The following BMPR2 variants were observed in gnomAD, a reference collection of about 807,000 sequenced individuals.
The protein encoded by BMPR2 is bone morphogenetic protein receptor type 2, also known as bone morphogenetic protein receptor type-2.
Under a neutral mutation model 100.8 loss-of-function variants are expected in BMPR2, and 29 were observed. The ratio of observed to expected loss-of-function variants is 0.29; its 90% CI spans 0.21 to 0.39. BMPR2 has a LOEUF of 0.39. Ranked by LOEUF, BMPR2 falls within the 10% of genes least tolerant of loss-of-function variation. The pLI, the probability that BMPR2 is intolerant of heterozygous loss-of-function variation, is 1.00. For missense variants in BMPR2, 1,011 were observed against 1,274.5 expected (o/e 0.79, Z 3.15); for synonymous variants, 382 against 442.3 (o/e 0.86, Z 1.71).
intron 1 of BMPR2, among the ~76,000 whole-genome samples, chr2:202,433,898 C>T (rs1349541809): frequency 1.3e-5 from 2 of 150,194 alleles, no homozygotes; most frequent in Admixed American, 6.6e-5. Flanking sequence ...CAGAGCGAGA[C>T]TCTGTCTCAA....
rs188346836 is a variant in BMPR2 at position 202,504,228 on chromosome 2, A to G, written c.419-9491A>G. ...GTAACCCGCTTGGGTCCCCTTCCACACTGTGGAAGCTTTGTTCTTTAGCTC... is the reference window on the plus strand; with the variant it reads ...GTAACCCGCTTGGGTCCCCTTCCACGCTGTGGAAGCTTTGTTCTTTAGCTC... On this transcript the variant is annotated intron_variant, in intron 3 of 12. Transcript: ENST00000374580. Among the ~76,000 whole-genome samples, 48 of 152,188 alleles carry G rather than the reference A, an allele frequency of 3.2e-4. No individual in the cohort carries two copies. The East Asian group carries it at 5.4e-3, about 17-fold the overall frequency.
chr2:202,381,817 T>A (rs1690300268), intron 1 of BMPR2, among the ~76,000 whole-genome samples: 1 of 152,070 alleles, frequency 6.6e-6, no homozygotes, highest in Non-Finnish European at 1.5e-5. Context: ...TTGATGTGGA[T>A]GAGTAGTGAG....
intron 3 of BMPR2, among the ~76,000 whole-genome samples, chr2:202,491,217 C>T (rs1270780180): frequency 3.3e-5 from 5 of 152,056 alleles, no homozygotes; most frequent in African/African-American, 2.4e-5. Flanking sequence ...CCACTACACC[C>T]GGCTAATCTT....
chr2:202,534,199 T>C (rs1019375410), intron 9 of BMPR2, among the ~76,000 whole-genome samples: 10 of 143,838 alleles, frequency 7.0e-5, no homozygotes, highest in Middle Eastern at 3.6e-3. Context: ...CACACACACA[T>C]ATATATGTAT....
chr2:202,399,126 C>T (rs1385486313), intron 1 of BMPR2, among the ~76,000 whole-genome samples: 2 of 148,866 alleles, frequency 1.3e-5, no homozygotes, highest in African/African-American at 5.0e-5. Context: ...GAAACTGTCT[C>T]AAGAGAAAAA....
chr2:202,457,557 T>TAGAGAG (rs1258876623), intron 1 of BMPR2, among the ~76,000 whole-genome samples: 1 of 100,800 alleles, frequency 9.9e-6, no homozygotes, highest in East Asian at 2.4e-4. Context: ...TATATATATA[T>TAGAGAG]ATATAGAGAG....
At chr2:202,534,221 G>GTATA (rs952251980) in intron 9 of BMPR2, among the ~76,000 whole-genome samples, 55 of 140,738 alleles carry the variant, frequency 3.9e-4, no homozygotes, top group Non-Finnish European at 1.8e-4. Context: ...GTGTGTGTGT[G>GTATA]TATATATATA....
intron 3 of BMPR2, among the ~76,000 whole-genome samples, chr2:202,506,610 CT>C (rs1204003241): frequency 6.6e-6 from 1 of 152,092 alleles, no homozygotes; most frequent in African/African-American, 2.4e-5. Flanking sequence ...GGCACATATT[CT>C]GTCCATAGGC....
chr2:202,383,239 C>T (rs974122175), intron 1 of BMPR2, among the ~76,000 whole-genome samples: 3 of 152,054 alleles, frequency 2.0e-5, no homozygotes, highest in Admixed American at 1.3e-4. Context: ...GAGACCAGCC[C>T]TGCTGTACAA....
At chr2:202,463,478 T>C (rs1365765807) in intron 1 of BMPR2, among the ~76,000 whole-genome samples, 1 of 152,182 alleles carries the variant, frequency 6.6e-6, no homozygotes, top group Admixed American at 6.5e-5. Context: ...TAAATCAGCC[T>C]CAGTGCTATG....
intron 3 of BMPR2, chr2:202,469,464 AATTTTATTTTT>A (rs1323285353): frequency 3.4e-6 from 1 of 297,394 alleles, no homozygotes; most frequent in African/African-American, 2.2e-5. Flanking sequence ...AAATGAACCC[AATTTTATTTTT>A]ATTTTATTTA....
chr2:202,400,261 CCTCCTGA>C (rs1279078404), intron 1 of BMPR2, among the ~76,000 whole-genome samples: 1 of 152,082 alleles, frequency 6.6e-6, no homozygotes, highest in Non-Finnish European at 1.5e-5. Context: ...CCTACTTCAG[CCTCCTGA>C]GTAGCTAGGA....
intron 1 of BMPR2, among the ~76,000 whole-genome samples, chr2:202,388,921 G>T (rs1690490528): frequency 2.0e-5 from 3 of 151,860 alleles, no homozygotes; most frequent in Non-Finnish European, 4.4e-5. Context: ...TTCTTTAATA[G>T]ATTAAATTCT....
At position 202,561,656 on chromosome 2, in the gene BMPR2, T is replaced by C. The variant is rs1688680464; in HGVS notation, c.*1710T>C. On this transcript the variant is annotated 3_prime_UTR_variant, in exon 13 of 13. Transcript: ENST00000374580. ...AGAGGAAAACACAAATCACCAAATT[T>C]CTGATTTATGTTTTTATCTCCTGAA... 6.6e-6 allele frequency: 1 copy of C among 152,230 alleles called. No individual in the cohort carries two copies. The allele number at this position is 152,230 out of a possible 1,614,324, so 9.4% of individuals were successfully genotyped here. A position where few individuals can be genotyped will look rare whatever the true frequency, so the allele number is the denominator to read the frequency against.
chr2:202,433,290 T>A (rs997128276), intron 1 of BMPR2, among the ~76,000 whole-genome samples: 1 of 150,432 alleles, frequency 6.6e-6, no homozygotes, highest in African/African-American at 2.5e-5. Flanking sequence ...GATATATGTA[T>A]AGATAGATAC....
At chr2:202,435,114 C>T (rs1305666566) in intron 1 of BMPR2, among the ~76,000 whole-genome samples, 1 of 144,758 alleles carries the variant, frequency 6.9e-6, no homozygotes, top group African/African-American at 2.7e-5. Context: ...AATCACAGCA[C>T]TTTGGGAGGC....
At chr2:202,463,317 T>TA (rs2105958354) in intron 1 of BMPR2, among the ~76,000 whole-genome samples, 1 of 152,290 alleles carries the variant, frequency 6.6e-6, no homozygotes, top group South Asian at 2.1e-4. Context: ...TAAAGTTCTT[T>TA]TCAGTGTTCT....
intron 1 of BMPR2, among the ~76,000 whole-genome samples, chr2:202,430,500 G>A (rs952237333): frequency 1.3e-5 from 2 of 152,142 alleles, no homozygotes; most frequent in African/African-American, 4.8e-5. Context: ...TATAGGATGG[G>A]ATTAATGATG....
intron 3 of BMPR2, among the ~76,000 whole-genome samples, chr2:202,510,907 C>T (rs536683970): frequency 1.3e-5 from 2 of 151,568 alleles, no homozygotes; most frequent in South Asian, 4.2e-4. Flanking sequence ...TCTCAAACCC[C>T]TGACCTTGTG....
Sources: allele counts gnomAD v4.1 joint callset (sites outside exome capture counted in the v4.1 genomes callset), GRCh38; gene constraint gnomAD v4.1.1; transcripts MANE v1.5; gene names NCBI Gene and HGNC (gene_info 2026-07-23, HGNC 2026-07-21).